The following NAV2 variants were observed in gnomAD, a reference collection of about 807,000 sequenced individuals.
NAV2 encodes the protein neuron navigator 2.
A neutral mutation model predicts 223.2 loss-of-function variants in NAV2; 54 were observed. The observed-to-expected ratio is 0.24, with a 90% confidence interval of 0.19 to 0.30. The LOEUF (loss-of-function observed/expected upper bound fraction) is 0.30, where lower values mean the gene tolerates loss of function less well. NAV2 is among the 10% of genes least tolerant of loss of function. NAV2 has a pLI of 1.00. For synonymous variants in NAV2, 1,279 were observed against 1,239.3 expected (o/e 1.03, Z -0.67); for missense variants, 2,806 against 3,147.5 (o/e 0.89, Z 2.60).
intron 1 of NAV2, among the ~76,000 whole-genome samples, chr11:19,386,210 G>A (rs1268899270): frequency 6.6e-6 from 1 of 152,204 alleles, no homozygotes; most frequent in Non-Finnish European, 1.5e-5. Context: ...TCGTTTGGGT[G>A]CCCAGCATTG....
At chr11:19,346,728 G>T (rs1034288579), upstream of NAV2, among the ~76,000 whole-genome samples, 1 of 152,208 alleles carries the variant, frequency 6.6e-6, no homozygotes, top group African/African-American at 2.4e-5. Context: ...AGCAGAAGTG[G>T]CCGGCTCACG....
At chr11:19,887,144 C>T (rs2707096) in intron 5 of NAV2, among the ~76,000 whole-genome samples, 127,679 of 152,112 alleles carry the variant, frequency 0.84, 53,853 homozygotes, top group South Asian at 0.88. Context: ...AATAGGTCTC[C>T]TGTTGGAGAC....
chr11:19,964,561 T>C (rs2048602591), intron 10 of NAV2, among the ~76,000 whole-genome samples: 1 of 151,494 alleles, frequency 6.6e-6, no homozygotes, highest in Non-Finnish European at 1.5e-5. Flanking sequence ...AATAGCATGA[T>C]CATAGCTCAC....
chr11:19,933,987 G>A lies in NAV2; in HGVS notation c.1743G>A (p.Ala581=), dbSNP rs755162885. ...SMPGKSPSAP[A]PSKEGERSRS... is the part of the protein sequence containing the mutation. ...CCGGGAAATCCCCAAGTGCCCCAGC[G>A]CCTTCCAAGGAAGGGGAGCGGAGCC... Residue 581 remains alanine (A), a synonymous_variant, in exon 7 of 38, where the codon GCG becomes GCA. Coordinates refer to ENST00000349880, the MANE Select transcript of NAV2 (RefSeq NM_145117.5). The surrounding 1 kb of genome is among the most constrained non-coding windows in gnomAD (Gnocchi z 4.3). The A allele has an allele frequency of 1.3e-5, 21 of 1,597,306 alleles. No homozygotes were observed. Among genetic ancestry groups the A allele is most frequent in the South Asian group, 2.3e-5 (2 of 88,348 alleles).
At chr11:19,670,292 C>T (rs1418356008) in intron 1 of NAV2, among the ~76,000 whole-genome samples, 1 of 152,204 alleles carries the variant, frequency 6.6e-6, no homozygotes, top group Non-Finnish European at 1.5e-5. Context: ...GCTGCCTGCT[C>T]ACCTAACTCT....
At chr11:19,973,467 G>A (rs931481206) in intron 10 of NAV2, among the ~76,000 whole-genome samples, 8 of 152,136 alleles carry the variant, frequency 5.3e-5, no homozygotes, top group Non-Finnish European at 5.9e-5. Context: ...AGAAGTGTTC[G>A]GGAGAATGCA....
intron 1 of NAV2, among the ~76,000 whole-genome samples, chr11:19,445,185 C>A (rs116714470): frequency 0.03 from 4,581 of 152,166 alleles, 238 homozygotes; most frequent in African/African-American, 0.11. Flanking sequence ...CAGTCAAACA[C>A]GGGAAGAGGA....
intron 2 of NAV2, among the ~76,000 whole-genome samples, chr11:19,835,373 T>C (rs1004222887): frequency 6.6e-5 from 10 of 152,218 alleles, no homozygotes; most frequent in African/African-American, 2.4e-4. Flanking sequence ...CTGGCTGTGC[T>C]GGGGCTTGGA....
At chr11:19,604,765 A>G (rs2046437195) in intron 1 of NAV2, among the ~76,000 whole-genome samples, 1 of 152,156 alleles carries the variant, frequency 6.6e-6, no homozygotes, top group Non-Finnish European at 1.5e-5. Flanking sequence ...TGCAATTCCC[A>G]TGTGTCGTGA....
intron 11 of NAV2, among the ~76,000 whole-genome samples, chr11:19,985,497 A>G (rs2050702541): frequency 6.6e-6 from 1 of 152,184 alleles, no homozygotes; most frequent in Admixed American, 6.5e-5. Context: ...ATTAACAAAG[A>G]AAGGAATGGG....
At chr11:20,039,537 A>T (rs2056720659) in intron 12 of NAV2, among the ~76,000 whole-genome samples, 1 of 152,088 alleles carries the variant, frequency 6.6e-6, no homozygotes, top group South Asian at 2.1e-4. Flanking sequence ...CTAAAGGTTG[A>T]CTACGTTCTT....
At chr11:20,036,476 A>G (rs1205977553) in intron 12 of NAV2, among the ~76,000 whole-genome samples, 2 of 152,334 alleles carry the variant, frequency 1.3e-5, no homozygotes, top group African/African-American at 4.8e-5. Context: ...ACTGCTATCC[A>G]GGGGCACGTG....
At position 19,680,070 on chromosome 11, in the gene NAV2, A is replaced by C. The variant is rs73426625; in HGVS notation, c.76-152414A>C. 4.5e-3 allele frequency among the ~76,000 whole-genome samples: 682 copies of C among 152,286 alleles called. 1 individual carries two copies. Among genetic ancestry groups the C allele is most frequent in the African/African-American group, 0.016 (645 of 41,566 alleles). ...TGGAGGGTGGGGTTCTTGAATGAGAATAGAGAGAAATCAGATTGGAAAAGA... is the reference window on the plus strand; with the variant it reads ...TGGAGGGTGGGGTTCTTGAATGAGACTAGAGAGAAATCAGATTGGAAAAGA... On this transcript the variant is annotated intron_variant, in intron 1 of 37. Coordinates refer to the NAV2 transcript ENST00000360655.
At position 19,813,018 on chromosome 11, in the gene NAV2, C is replaced by A. The variant is rs150104205; in HGVS notation, c.268-19466C>A. Among the ~76,000 whole-genome samples, 4 of 152,066 alleles carry A rather than the reference C, an allele frequency of 2.6e-5. No individual in the cohort carries two copies. The South Asian group carries it at 8.4e-4, about 32-fold the overall frequency. ...CATTCCCTTGTTGGAATCTGGAATCCGGCACCCATGCCAATGTCTCGGTAG... is the reference window on the plus strand; with the variant it reads ...CATTCCCTTGTTGGAATCTGGAATCAGGCACCCATGCCAATGTCTCGGTAG... On this transcript the variant is annotated intron_variant, in intron 1 of 37. Coordinates refer to ENST00000349880, the MANE Select transcript of NAV2 (RefSeq NM_145117.5).
chr11:19,689,996 G>A (rs943381442), intron 1 of NAV2, among the ~76,000 whole-genome samples: 6 of 152,174 alleles, frequency 3.9e-5, no homozygotes, highest in Non-Finnish European at 8.8e-5. Flanking sequence ...TTGAGACAGA[G>A]TTTCGCTCCT....
At chr11:19,426,755 G>A (rs981660478) in intron 1 of NAV2, among the ~76,000 whole-genome samples, 1 of 151,928 alleles carries the variant, frequency 6.6e-6, no homozygotes, top group Non-Finnish European at 1.5e-5. Context: ...TCCCACAACT[G>A]CTGTTTTGGC....
At chr11:19,861,141 C>A (rs888835320) in intron 3 of NAV2, among the ~76,000 whole-genome samples, 1 of 152,154 alleles carries the variant, frequency 6.6e-6, no homozygotes, top group Admixed American at 6.5e-5. Flanking sequence ...GAGTCATATT[C>A]TCTTAAACAG....
At chr11:19,616,304 C>CTGTGTGTG (rs113035353) in intron 1 of NAV2, among the ~76,000 whole-genome samples, 16,123 of 140,502 alleles carry the variant, frequency 0.11, 1,027 homozygotes, top group African/African-American at 0.14. Context: ...TTGCTTCTGA[C>CTGTGTGTG]TGTGTGTGTG....
At chr11:19,632,648 A>G (rs1223001194) in intron 1 of NAV2, among the ~76,000 whole-genome samples, 1 of 152,184 alleles carries the variant, frequency 6.6e-6, no homozygotes, top group Admixed American at 6.5e-5. Context: ...GTGTCTCCTG[A>G]AGCTATTATT....
Sources: gnomAD v4.1 joint callset for allele counts (sites outside exome capture counted in the v4.1 genomes callset) on GRCh38, gnomAD v4.1.1 for gene constraint, Gnocchi (gnomAD v3.1) non-coding constraint, MANE v1.5 for transcripts, NCBI Gene and HGNC (gene_info 2026-07-23, HGNC 2026-07-21) for gene names.